SGCD: variants seen among roughly 807,000 people sequenced by gnomAD.
SGCD encodes the protein sarcoglycan delta.
In SGCD, 18 loss-of-function variants were observed where a neutral mutation model predicts 36.6. The ratio of observed to expected loss-of-function variants is 0.49; its 90% CI spans 0.34 to 0.73. The LOEUF (loss-of-function observed/expected upper bound fraction) is 0.73. Among genes scored for constraint, SGCD ranks in the 30% least tolerant of loss-of-function variants. The pLI, the probability that SGCD is intolerant of heterozygous loss-of-function variation, is 0.01. For synonymous variants in SGCD, 133 were observed against 130.6 expected, an observed-to-expected ratio of 1.02 and a Z score of -0.12; for missense variants, 387 against 346.7, an observed-to-expected ratio of 1.12 and a Z score of -0.92.
At chr5:156,103,209 G>A (rs1761562501) in intron 1 of SGCD, among the ~76,000 whole-genome samples, 1 of 152,092 alleles carries the variant, frequency 6.6e-6, no homozygotes, top group East Asian at 1.9e-4. Flanking sequence ...TAGAAGAGTT[G>A]GATGAAGAGT....
intron 4 of SGCD, among the ~76,000 whole-genome samples, chr5:156,551,514 G>A (rs184794634): frequency 1.1e-4 from 16 of 152,188 alleles, no homozygotes; most frequent in East Asian, 1.9e-4. Flanking sequence ...AGGGTTTTGC[G>A]GGGGCAGGGG....
the SGCD span, among the ~76,000 whole-genome samples, chr5:155,728,455 G>A: frequency 6.6e-6 from 1 of 152,228 alleles, no homozygotes; most frequent in Non-Finnish European, 1.5e-5. Context: ...TAGAACAGGA[G>A]GAGGGGCACG....
rs534456565 is a variant in SGCD, at chr5:156,382,933, A to G, written c.192+38256A>G. Among the ~76,000 whole-genome samples the G allele has an allele frequency of 2.0e-4, 30 of 152,328 alleles. 1 individual carries two copies. The South Asian group carries it at 4.8e-3, about 24-fold the overall frequency. On this transcript the variant is annotated intron_variant, in intron 3 of 8. Coordinates refer to ENST00000337851, the MANE Select transcript of SGCD (RefSeq NM_000337.6). The stretch of plus-strand genomic sequence containing the variant: ...AAAACTAAGGTACTCCATTCATGGC[A>G]AATAACTATTTAGCATAATTGTTTG...
intron 1 of SGCD, among the ~76,000 whole-genome samples, chr5:156,043,356 T>C (rs893883238): frequency 6.6e-6 from 1 of 152,168 alleles, no homozygotes; most frequent in Non-Finnish European, 1.5e-5. Flanking sequence ...CACATTGTTA[T>C]TTTTTTATCA....
intron 1 of SGCD, among the ~76,000 whole-genome samples, chr5:155,938,558 T>C (rs1470947808): frequency 6.6e-6 from 1 of 152,158 alleles, no homozygotes; most frequent in Non-Finnish European, 1.5e-5. Context: ...ATAGATGAAG[T>C]TAATAGGAAT....
At chr5:156,717,391 G>A (rs1348859098) in intron 7 of SGCD, among the ~76,000 whole-genome samples, 6 of 152,118 alleles carry the variant, frequency 3.9e-5, no homozygotes, top group South Asian at 2.1e-4. Context: ...AAACCATGAC[G>A]CTCCCTCATG....
In SGCD at chr5:156,673,353, A is replaced by C. The variant is rs546946213; in HGVS notation, c.575+25817A>C. On this transcript the variant is annotated intron_variant, in intron 7 of 8. Transcript: ENST00000337851. ...AAAACTTCACATTCCTTTTTTGTTC[A>C]TGGGCTGTGCAATAGTCACGCTTCA... Among the ~76,000 whole-genome samples the C allele has an allele frequency of 8.6e-5, 13 of 151,960 alleles. No individual in the cohort carries two copies. In the East Asian group the frequency reaches 2.1e-3, roughly 25 times the overall value.
At chr5:156,371,850 T>G (rs1332022467) in intron 3 of SGCD, among the ~76,000 whole-genome samples, 1 of 152,230 alleles carries the variant, frequency 6.6e-6, no homozygotes, top group African/African-American at 2.4e-5. Context: ...ATCTTTGTCT[T>G]TTAAGTAACA....
intron 3 of SGCD, among the ~76,000 whole-genome samples, chr5:156,167,770 T>C (rs1485628438): frequency 6.6e-6 from 1 of 152,192 alleles, no homozygotes; most frequent in Non-Finnish European, 1.5e-5. Context: ...AATAAAGCCA[T>C]ATAAAACCAA....
At chr5:155,990,418 C>T (rs1758408586) in intron 1 of SGCD, among the ~76,000 whole-genome samples, 1 of 152,140 alleles carries the variant, frequency 6.6e-6, no homozygotes, top group South Asian at 2.1e-4. Flanking sequence ...TATTCTTCCT[C>T]TATCTGTTTT....
chr5:156,733,113 G>A (rs747086271), intron 7 of SGCD, among the ~76,000 whole-genome samples: 7 of 151,936 alleles, frequency 4.6e-5, no homozygotes, highest in Non-Finnish European at 4.4e-5. Flanking sequence ...TTTGAGGTTT[G>A]TTTGCTCTTG....
At chr5:156,179,318 A>G (rs1427846476) in intron 3 of SGCD, among the ~76,000 whole-genome samples, 1 of 152,166 alleles carries the variant, frequency 6.6e-6, no homozygotes, top group Non-Finnish European at 1.5e-5. Context: ...AGCTACATGC[A>G]ATTTTTCATG....
chr5:156,096,139 C>T (rs1761370337), intron 1 of SGCD, among the ~76,000 whole-genome samples: 1 of 152,208 alleles, frequency 6.6e-6, no homozygotes, highest in Non-Finnish European at 1.5e-5. Flanking sequence ...ATGAGGTCAG[C>T]TAGCCACCAG....
chr5:156,002,239 A>G (rs936122860), intron 1 of SGCD, among the ~76,000 whole-genome samples: 3 of 152,186 alleles, frequency 2.0e-5, no homozygotes, highest in Non-Finnish European at 4.4e-5. Context: ...ACAGACACAC[A>G]AACACACACA....
chr5:156,011,336 A>G (rs966629180), intron 1 of SGCD, among the ~76,000 whole-genome samples: 3 of 152,296 alleles, frequency 2.0e-5, no homozygotes, highest in Middle Eastern at 3.4e-3. Context: ...ATCTTACTAT[A>G]TGGAACTTAA....
chr5:156,392,021 C>T (rs962479162), intron 3 of SGCD, among the ~76,000 whole-genome samples: 2 of 152,160 alleles, frequency 1.3e-5, no homozygotes, highest in Non-Finnish European at 2.9e-5. Context: ...GTTCTTTTAG[C>T]ACTACGTATA....
At chr5:156,676,642 G>A (rs1753526466) in intron 7 of SGCD, among the ~76,000 whole-genome samples, 1 of 152,068 alleles carries the variant, frequency 6.6e-6, no homozygotes, top group South Asian at 2.1e-4. Context: ...GATGAGCCCT[G>A]GGGATACAGC....
chr5:155,922,778 G>A (rs147629751), intron 1 of SGCD, among the ~76,000 whole-genome samples: 1 of 152,250 alleles, frequency 6.6e-6, no homozygotes, highest in Non-Finnish European at 1.5e-5. Flanking sequence ...ATTAAACCAA[G>A]CTGTATTTTT....
At chr5:156,482,924 C>A (rs544468646) in intron 3 of SGCD, among the ~76,000 whole-genome samples, 49 of 135,012 alleles carry the variant, frequency 3.6e-4, no homozygotes, top group African/African-American at 1.2e-3. Flanking sequence ...CTGGAGAATT[C>A]TTTGTTGCAC....
Sources: gnomAD v4.1 joint callset for allele counts (sites outside exome capture counted in the v4.1 genomes callset) on GRCh38, gnomAD v4.1.1 for gene constraint, MANE v1.5 for transcripts, NCBI Gene and HGNC (gene_info 2026-07-23, HGNC 2026-07-21) for gene names.